Variants in FGD3 observed in about 807,000 individuals in gnomAD.
FGD3 encodes FYVE, RhoGEF and PH domain containing 3, also known as FYVE, RhoGEF and PH domain-containing protein 3.
In FGD3, 45 loss-of-function variants were observed where a neutral mutation model predicts 71.8. That is an observed-to-expected ratio of 0.63 (90% CI 0.49 to 0.80). The LOEUF is 0.80. Among genes scored for constraint, FGD3 ranks in the 30% least tolerant of loss-of-function variants. FGD3 has a pLI of 0.00. For synonymous variants in FGD3, 378 were observed against 392.8 expected, an observed-to-expected ratio of 0.96 and a Z score of 0.44; for missense variants, 844 against 951.5, an observed-to-expected ratio of 0.89 and a Z score of 1.49.
intron 1 of FGD3, among the ~76,000 whole-genome samples, chr9:92,949,627 G>A (rs1180902204): frequency 1.3e-5 from 2 of 152,182 alleles, no homozygotes; most frequent in Admixed American, 6.5e-5. Context: ...GGGTTTGGGT[G>A]GTAGCCATAG....
Position 93,035,587 on chromosome 9 carries a change from T to C in FGD3, c.2176T>C (p.Ter726ArgextTer51). ...GGTCCCTATGGGCGCAGCTGCTCCG[T>C]GAGCTGAGTCTCCCACTGCCCTGCA... ...LQVPMGAAAP[*>R] is the part of the protein sequence containing the mutation. Residue 726 changes from the stop codon to arginine, a stop_lost, in exon 18 of 18, where the codon TGA becomes CGA. Coordinates refer to ENST00000375482, the MANE Select transcript of FGD3 (RefSeq NM_001083536.2). The C allele has an allele frequency of 6.3e-7, 1 of 1,585,078 alleles. No homozygotes were observed. Among genetic ancestry groups the C allele is most frequent in the Non-Finnish European group, 8.6e-7 (1 of 1,168,594 alleles).
intron 9 of FGD3, among the ~76,000 whole-genome samples, chr9:93,015,150 T>G (rs2118767540): frequency 6.6e-6 from 1 of 152,306 alleles, no homozygotes; most frequent in African/African-American, 2.4e-5. Context: ...AATGTATCAG[T>G]AGCTCATTCA....
rs554133974 is a variant in FGD3 at position 93,027,934 on chromosome 9, G to C, written c.1558-1940G>C. Among the ~76,000 whole-genome samples the C allele has an allele frequency of 7.2e-5, 11 of 151,948 alleles. No homozygotes were observed. In the South Asian group the frequency reaches 2.1e-3, roughly 29 times the overall value. On this transcript the variant is annotated intron_variant, in intron 14 of 17. Coordinates refer to ENST00000375482, the MANE Select transcript of FGD3 (RefSeq NM_001083536.2). The stretch of plus-strand genomic sequence containing the variant: ...GGGTCTCACTATGTCGCCCAGATTG[G>C]TCTCGAACTTCTGGCCTCAAGCAAC...
intron 15 of FGD3, among the ~76,000 whole-genome samples, chr9:93,030,460 C>T (rs990900903): frequency 6.6e-6 from 1 of 152,234 alleles, no homozygotes; most frequent in African/African-American, 2.4e-5. Flanking sequence ...TGCACACCAT[C>T]TCCATTCCCC....
intron 11 of FGD3, 79 bp downstream of exon 11, chr9:93,018,294 T>G: frequency 7.6e-7 from 1 of 1,320,498 alleles, no homozygotes; most frequent in Non-Finnish European, 1.1e-6. Context: ...TGTAATATAT[T>G]TTTATTTATG....
chr9:92,971,942 C>G (rs928657869), intron 1 of FGD3, among the ~76,000 whole-genome samples: 2 of 144,042 alleles, frequency 1.4e-5, no homozygotes, highest in African/African-American at 5.2e-5. Context: ...CCCCAGCCCC[C>G]TCCACCCATC....
Position 93,034,576 on chromosome 9 carries a change from C to A in FGD3, c.1821C>A (p.Leu607=), listed in dbSNP as rs1032528583. ...TPTADPQPSL[L]CGPLRLSESG... is the part of the protein sequence containing the mutation. ...CTGCAGACCCCCAGCCCAGCCTGCT[C>A]TGCGGCCCCCTGCGGCTGTCAGAGA... Residue 607 remains leucine, a synonymous_variant, in exon 17 of 18, where the codon CTC becomes CTA. Coordinates refer to ENST00000375482, the MANE Select transcript of FGD3 (RefSeq NM_001083536.2). The A allele has an allele frequency of 1.8e-5, 29 of 1,613,198 alleles. No homozygotes were observed. Among genetic ancestry groups the A allele is most frequent in the Non-Finnish European group, 2.5e-5 (29 of 1,179,810 alleles).
intron 1 of FGD3, among the ~76,000 whole-genome samples, chr9:92,948,931 A>G (rs148066693): frequency 3.0e-4 from 46 of 152,312 alleles, no homozygotes; most frequent in African/African-American, 1.1e-3. Context: ...CTGTGTCCCA[A>G]GTATCCCTCC....
intron 10 of FGD3, among the ~76,000 whole-genome samples, chr9:93,016,928 A>AT (rs1861723981): frequency 6.6e-6 from 1 of 152,150 alleles, no homozygotes; most frequent in African/African-American, 2.4e-5. Context: ...GCCATGACCG[A>AT]TTTTTTGTAG....
At chr9:93,032,459 C>T in intron 15 of FGD3, 2 of 301,230 alleles carry the variant, frequency 6.6e-6, no homozygotes, top group Non-Finnish European at 1.3e-5. Context: ...TCCCTGATGG[C>T]CAGTGATGGG....
chr9:92,976,629 G>GA lies in FGD3; in HGVS notation c.374dup (p.Ala126GlyfsTer7). ...GGTCCCGAAGGTCACCCCCCAGGAG[G>GA]AGGCGGACAGCGACGTGGGTGAGGA... On this transcript the variant is annotated frameshift_variant, in exon 3 of 18. Transcript: ENST00000375482. LOFTEE classifies it high-confidence loss of function. 6.2e-7 allele frequency: 1 copy of GA among 1,612,866 alleles called. No individual in the cohort carries two copies. Among genetic ancestry groups the GA allele is most frequent in the Non-Finnish European group, 8.5e-7 (1 of 1,179,894 alleles).
At chr9:93,006,915 G>T (rs1189879186) in intron 6 of FGD3, among the ~76,000 whole-genome samples, 2 of 151,160 alleles carry the variant, frequency 1.3e-5, no homozygotes, top group Non-Finnish European at 2.9e-5. Flanking sequence ...TTTTAGGAGA[G>T]ATGGGGTTTC....
At chr9:93,004,168 C>T in intron 5 of FGD3, 31 bp downstream of exon 5, 2 of 1,610,640 alleles carry the variant, frequency 1.2e-6, no homozygotes, top group South Asian at 1.1e-5. Flanking sequence ...CCCATGGGGC[C>T]CCTCAAGTGT....
At chr9:92,973,411 G>C (rs1038307478) in intron 1 of FGD3, among the ~76,000 whole-genome samples, 1 of 152,108 alleles carries the variant, frequency 6.6e-6, no homozygotes, top group Non-Finnish European at 1.5e-5. Context: ...CACTGTGCCC[G>C]GCCTCTGCCT....
chr9:92,957,919 G>A (rs1859092679), intron 1 of FGD3, among the ~76,000 whole-genome samples: 1 of 151,782 alleles, frequency 6.6e-6, no homozygotes, highest in African/African-American at 2.4e-5. Context: ...GACCTCAGGT[G>A]ATCTGCCCAC....
rs1564171479 is a variant in FGD3, at chr9:93,028,224, A to ACGCACG, written c.1558-1649_1558-1648insGCACGC. Among the ~76,000 whole-genome samples the ACGCACG allele has an allele frequency of 5.4e-5, 8 of 147,056 alleles. No homozygotes were observed. In the South Asian group the frequency reaches 1.1e-3, roughly 20 times the overall value. ...CACACACACACACACACACGCACAC[A>ACGCACG]CACACACACACACCCCAATTTTCTG... On this transcript the variant is annotated intron_variant, in intron 14 of 17. Transcript: ENST00000375482.
chr9:93,014,722 A>G (rs959198595), intron 9 of FGD3, among the ~76,000 whole-genome samples: 1 of 151,908 alleles, frequency 6.6e-6, no homozygotes, highest in Admixed American at 6.6e-5. Flanking sequence ...GCTCACTGTA[A>G]CCTCCACCTC....
At position 92,976,708 on chromosome 9, in the gene FGD3, A is replaced by G. The variant is rs1320424517; in HGVS notation, c.452A>G (p.Gln151Arg). 12 of 1,569,998 alleles carry G rather than the reference A, an allele frequency of 7.6e-6. No homozygotes were observed. The highest frequency in any genetic ancestry group is 1.2e-5 in the South Asian group (1 of 84,874). Residue 151 changes from glutamine to arginine, a missense_variant and splice_region_variant, in exon 3 of 18, where the codon CAG (glutamine) becomes CGG (arginine). Physicochemically the swap from Gln to Arg is conservative, Grantham distance 43. Transcript: ENST00000375482. The part of the protein sequence containing the change: ...QKADKDAGLA[Q>R]HSGPQKLLHI... ...GCTGACAAGGATGCCGGCCTGGCCCAGGTAGGCTTCCCCTTCTCTGTCCCC... is the reference window on the plus strand; with the variant it reads ...GCTGACAAGGATGCCGGCCTGGCCCGGGTAGGCTTCCCCTTCTCTGTCCCC...
intron 8 of FGD3, among the ~76,000 whole-genome samples, chr9:93,012,304 CCT>C (rs1861441912): frequency 6.6e-6 from 1 of 152,166 alleles, no homozygotes. Context: ...AACTCACACA[CCT>C]CTCAGAGAAC....
Sources: allele counts gnomAD v4.1 joint callset (sites outside exome capture counted in the v4.1 genomes callset), GRCh38; gene constraint gnomAD v4.1.1; transcripts MANE v1.5; gene names NCBI Gene and HGNC (gene_info 2026-07-23, HGNC 2026-07-21).